Variants in PPP2R2C observed in about 807,000 individuals in gnomAD.
PPP2R2C encodes the protein protein phosphatase 2, regulatory subunit B, gamma.
Under a neutral mutation model 45.3 loss-of-function variants are expected in PPP2R2C, and 10 were observed. The ratio of observed to expected loss-of-function variants is 0.22; its 90% CI spans 0.14 to 0.37. The LOEUF (loss-of-function observed/expected upper bound fraction) is 0.37. Among genes scored for constraint, PPP2R2C ranks in the 10% least tolerant of loss-of-function variants. The probability of loss-of-function intolerance (pLI) is 1.00; values close to 1 mark genes in which losing one functional copy is unlikely to be tolerated. For synonymous variants in PPP2R2C, 257 were observed against 245.4 expected (o/e 1.05, Z -0.44); for missense variants, 308 against 619.7 (o/e 0.50, Z 5.34).
At chr4:6,416,056 G>C (rs1465296706) in intron 1 of PPP2R2C, among the ~76,000 whole-genome samples, 1 of 152,110 alleles carries the variant, frequency 6.6e-6, no homozygotes, top group African/African-American at 2.4e-5. Flanking sequence ...TGTCACCCTG[G>C]GTCTTTCTAT....
intron 1 of PPP2R2C, among the ~76,000 whole-genome samples, chr4:6,456,551 G>A (rs1473064137): frequency 6.6e-6 from 1 of 152,088 alleles, no homozygotes; most frequent in Non-Finnish European, 1.5e-5. Flanking sequence ...CTTTCACATT[G>A]AAAGTCGGCG....
intron 1 of PPP2R2C, among the ~76,000 whole-genome samples, chr4:6,410,628 G>A (rs975808078): frequency 1.3e-5 from 2 of 152,118 alleles, no homozygotes; most frequent in African/African-American, 4.8e-5. Flanking sequence ...GCAGGTGTGT[G>A]AGGGGGTGTG....
intron 6 of PPP2R2C, among the ~76,000 whole-genome samples, chr4:6,338,165 C>T (rs1733135680): frequency 6.6e-6 from 1 of 152,130 alleles, no homozygotes; most frequent in Non-Finnish European, 1.5e-5. Flanking sequence ...TTTAAAGAAA[C>T]ATGTCTCAAA....
intron 1 of PPP2R2C, among the ~76,000 whole-genome samples, chr4:6,550,398 C>T (rs1166292696): frequency 6.6e-6 from 1 of 152,182 alleles, no homozygotes; most frequent in Non-Finnish European, 1.5e-5. Context: ...TCACTGCTTC[C>T]TCCCGGGAAG....
chr4:6,339,878 C>T (rs753236308), intron 6 of PPP2R2C, among the ~76,000 whole-genome samples: 4 of 152,220 alleles, frequency 2.6e-5, no homozygotes, highest in Non-Finnish European at 4.4e-5. Context: ...CACCTCAGGC[C>T]GCGCTCCAGG....
intron 2 of PPP2R2C, among the ~76,000 whole-genome samples, chr4:6,515,530 C>A (rs979297231): frequency 6.6e-6 from 1 of 152,194 alleles, no homozygotes. Context: ...AAAAAGAGAA[C>A]CACAGAGTAC....
intron 5 of PPP2R2C, among the ~76,000 whole-genome samples, chr4:6,355,687 A>ACAAACGCAAGAGTGCTGTG (rs1346916732): frequency 6.6e-6 from 1 of 152,036 alleles, no homozygotes; most frequent in Non-Finnish European, 1.5e-5. Flanking sequence ...CTGCTGCGGT[A>ACAAACGCAAGAGTGCTGTG]CAAACGCAAG....
chr4:6,371,914 C>T (rs76231348), intron 5 of PPP2R2C, among the ~76,000 whole-genome samples: 2,454 of 152,266 alleles, frequency 0.016, 26 homozygotes, highest in Middle Eastern at 0.037. Flanking sequence ...CAGGCCAAGC[C>T]TCGCCCTGCC....
intron 5 of PPP2R2C, among the ~76,000 whole-genome samples, chr4:6,370,993 G>A (rs1156414607): frequency 6.6e-6 from 1 of 152,292 alleles, no homozygotes; most frequent in East Asian, 1.9e-4. Flanking sequence ...CCATGCCTTT[G>A]GGACAAGAGA....
At chr4:6,554,212 A>G (rs1473802455) in intron 1 of PPP2R2C, among the ~76,000 whole-genome samples, 1 of 152,194 alleles carries the variant, frequency 6.6e-6, no homozygotes, top group Non-Finnish European at 1.5e-5. Context: ...TTTACCCCCA[A>G]TCCAAAATGA....
chr4:6,454,142 G>C (rs982149635), intron 1 of PPP2R2C, among the ~76,000 whole-genome samples: 2 of 152,216 alleles, frequency 1.3e-5, no homozygotes, highest in African/African-American at 4.8e-5. Context: ...GAGCGGGGCA[G>C]TGGCTCCAAG....
intron 2 of PPP2R2C, among the ~76,000 whole-genome samples, chr4:6,481,627 G>A (rs943796175): frequency 6.6e-6 from 1 of 152,078 alleles, no homozygotes. Context: ...AATTGTCTTG[G>A]TTATTCTTGG....
intron 6 of PPP2R2C, among the ~76,000 whole-genome samples, chr4:6,347,055 G>A (rs562701632): frequency 1.1e-3 from 167 of 152,334 alleles, no homozygotes; most frequent in Non-Finnish European, 1.8e-3. Flanking sequence ...GGGGCCTCTG[G>A]GATGGCTGTG....
chr4:6,503,845 A>T (rs1466373039), intron 2 of PPP2R2C, among the ~76,000 whole-genome samples: 1 of 152,222 alleles, frequency 6.6e-6, no homozygotes, highest in Non-Finnish European at 1.5e-5. Context: ...AATGCTAAGA[A>T]ATGCAAAGTA....
chr4:6,347,586 C>T (rs921236065), intron 6 of PPP2R2C, among the ~76,000 whole-genome samples: 1 of 152,114 alleles, frequency 6.6e-6, no homozygotes, highest in African/African-American at 2.4e-5. Context: ...CTTCTGGATG[C>T]CCTGACCCTC....
intron 2 of PPP2R2C, among the ~76,000 whole-genome samples, chr4:6,483,888 C>A (rs1039917292): frequency 2.6e-5 from 4 of 152,042 alleles, no homozygotes; most frequent in African/African-American, 9.7e-5. Flanking sequence ...CTGTTTTCTT[C>A]AACAACAGGG....
Position 6,375,978 on chromosome 4 carries a change from G to A in PPP2R2C, c.335-47C>T, listed in dbSNP as rs1196306035. 1.1e-5 allele frequency: 16 copies of A among 1,497,694 alleles called. 1 individual carries two copies. The highest frequency in any genetic ancestry group is 1.4e-5 in the African/African-American group (1 of 72,190). The allele number at this position is 1,497,694 out of a possible 1,614,324, so 92.8% of individuals were successfully genotyped here. ...AAGCGAGTCACATAATTAAGCAGCC[G>A]GATGGAAGAGAAGATCCACTTTAGA... On this transcript the variant is annotated intron_variant, in intron 3 of 8. Transcript: ENST00000382599.
chr4:6,407,815 A>G (rs1400768370), intron 1 of PPP2R2C, among the ~76,000 whole-genome samples: 2 of 152,230 alleles, frequency 1.3e-5, no homozygotes, highest in African/African-American at 4.8e-5. Flanking sequence ...AAGGATACAA[A>G]GTAAAGCCAT....
At chr4:6,386,675 G>A (rs1157988174) in intron 1 of PPP2R2C, among the ~76,000 whole-genome samples, 1 of 152,134 alleles carries the variant, frequency 6.6e-6, no homozygotes, top group Non-Finnish European at 1.5e-5. Flanking sequence ...CAACACCCAG[G>A]ATATCATCCA....
Sources: gnomAD v4.1 joint callset for allele counts (sites outside exome capture counted in the v4.1 genomes callset) on GRCh38, gnomAD v4.1.1 for gene constraint, MANE v1.5 for transcripts, NCBI Gene and HGNC (gene_info 2026-07-23, HGNC 2026-07-21) for gene names.